The following PRKAR1B variants were observed in gnomAD, a reference collection of about 807,000 sequenced individuals.
PRKAR1B encodes cAMP-dependent protein kinase type I-beta regulatory subunit.
A neutral mutation model predicts 46.5 loss-of-function variants in PRKAR1B; 22 were observed. The observed-to-expected ratio is 0.47, with a 90% confidence interval of 0.34 to 0.68. The LOEUF (loss-of-function observed/expected upper bound fraction) is 0.68. Among genes scored for constraint, PRKAR1B ranks in the 30% least tolerant of loss-of-function variants. PRKAR1B has a pLI of 0.01. For synonymous variants in PRKAR1B, 259 were observed against 217.7 expected, an observed-to-expected ratio of 1.19 and a Z score of -1.67; for missense variants, 445 against 535.6, an observed-to-expected ratio of 0.83 and a Z score of 1.67.
intron 4 of PRKAR1B, among the ~76,000 whole-genome samples, chr7:673,064 A>AC (rs1562605300): frequency 3.6e-5 from 5 of 139,194 alleles, no homozygotes; most frequent in African/African-American, 8.1e-5. Flanking sequence ...AAAAAAAAAA[A>AC]AAAAAAAAAA....
intron 4 of PRKAR1B, among the ~76,000 whole-genome samples, chr7:661,258 C>T (rs1173957838): frequency 1.1e-3 from 82 of 71,880 alleles, no homozygotes; most frequent in Admixed American, 1.5e-3. Context: ...TACTCTCCCC[C>T]CCATGGCACA....
intron 4 of PRKAR1B, among the ~76,000 whole-genome samples, chr7:618,113 G>A (rs1782932564): frequency 6.6e-6 from 1 of 152,068 alleles, no homozygotes; most frequent in African/African-American, 2.4e-5. Context: ...TGGGAGAGGT[G>A]GAGGCAGGGC....
At position 677,210 on chromosome 7, in the gene PRKAR1B, A is replaced by G. The variant is rs1399493671; in HGVS notation, c.440+19T>C. On this transcript the variant is annotated intron_variant, in intron 4 of 10. Coordinates refer to ENST00000537384, the MANE Select transcript of PRKAR1B (RefSeq NM_001164760.2). Reference sequence around the variant, plus strand: ...AGGAGGGCGGCGGTGATGCCGGGGCAGGGGACGAGTCTGCCTACCTCCTCT... The same window carrying G: ...AGGAGGGCGGCGGTGATGCCGGGGCGGGGGACGAGTCTGCCTACCTCCTCT... 12 of 1,613,072 alleles carry G rather than the reference A, an allele frequency of 7.4e-6. No homozygotes were observed. The highest frequency in any genetic ancestry group is 1.0e-5 in the Non-Finnish European group (12 of 1,179,164).
intron 7 of PRKAR1B, among the ~76,000 whole-genome samples, chr7:591,773 G>A (rs537772902): frequency 3.3e-5 from 5 of 152,166 alleles, no homozygotes; most frequent in Non-Finnish European, 7.4e-5. Context: ...GAAATGACTG[G>A]TGATGCCTGA....
chr7:651,450 T>G (rs891342655), intron 4 of PRKAR1B, among the ~76,000 whole-genome samples: 1 of 152,222 alleles, frequency 6.6e-6, no homozygotes, highest in Admixed American at 6.5e-5. Flanking sequence ...CCTGTGTTAT[T>G]TATCACACAG....
Position 691,779 on chromosome 7 carries a change from G to C in PRKAR1B, c.178-11053C>G, listed in dbSNP as rs138443990. 4.2e-5 allele frequency: 50 copies of C among 1,194,456 alleles called. No individual in the cohort carries two copies. The African/African-American group carries it at 7.3e-4, about 17-fold the overall frequency. 74.0% of individuals were successfully genotyped at this position (1,194,456 alleles called of 1,614,324 possible). On this transcript the variant is annotated intron_variant, in intron 2 of 10. Transcript: ENST00000537384. Reference sequence around the variant, plus strand: ...GGACCACAGGGCTCTACAAACACCGGCAATCACCTCCTGCGGAGGACGGCG... The same window carrying C: ...GGACCACAGGGCTCTACAAACACCGCCAATCACCTCCTGCGGAGGACGGCG...
At chr7:590,028 G>A (rs989518332) in intron 7 of PRKAR1B, among the ~76,000 whole-genome samples, 1 of 152,236 alleles carries the variant, frequency 6.6e-6, no homozygotes, top group Non-Finnish European at 1.5e-5. Flanking sequence ...TGCAGGGAGA[G>A]GGGGCTCAAC....
At chr7:627,258 G>T (rs561061343) in intron 4 of PRKAR1B, among the ~76,000 whole-genome samples, 1 of 152,184 alleles carries the variant, frequency 6.6e-6, no homozygotes, top group Admixed American at 6.5e-5. Flanking sequence ...TCAAAGTGCT[G>T]GGATTCCAGG....
chr7:616,600 A>G (rs1434647257), intron 4 of PRKAR1B, among the ~76,000 whole-genome samples: 1 of 152,204 alleles, frequency 6.6e-6, no homozygotes, highest in Non-Finnish European at 1.5e-5. Context: ...GCCATCGCAC[A>G]GCGGCTCCTC....
At chr7:690,865 C>T (rs775813572) in intron 2 of PRKAR1B, among the ~76,000 whole-genome samples, 7 of 152,246 alleles carry the variant, frequency 4.6e-5, no homozygotes, top group Admixed American at 2.0e-4. Context: ...CAAGGCTGAC[C>T]GGTCTCCACT....
At chr7:663,969 C>T (rs140857791) in intron 4 of PRKAR1B, among the ~76,000 whole-genome samples, 8 of 152,216 alleles carry the variant, frequency 5.3e-5, no homozygotes, top group Non-Finnish European at 1.0e-4. Context: ...GCAAGCCCCC[C>T]GCTGTCTCTG....
intron 4 of PRKAR1B, among the ~76,000 whole-genome samples, chr7:647,876 T>C (rs530233637): frequency 6.6e-6 from 1 of 151,346 alleles, no homozygotes; most frequent in South Asian, 2.1e-4. Flanking sequence ...AATGCTTCAT[T>C]ATGGCCGGGC....
At chr7:720,241 A>G (rs1426146504) in intron 1 of PRKAR1B, among the ~76,000 whole-genome samples, 1 of 151,922 alleles carries the variant, frequency 6.6e-6, no homozygotes, top group Non-Finnish European at 1.5e-5. Flanking sequence ...CATTTTTAGT[A>G]AAGACAGGAT....
At chr7:683,773 T>G (rs1054339361) in intron 2 of PRKAR1B, among the ~76,000 whole-genome samples, 6 of 151,884 alleles carry the variant, frequency 4.0e-5, no homozygotes, top group African/African-American at 1.5e-4. Flanking sequence ...CGGCACCCAC[T>G]CCCCACGGAA....
At chr7:588,681 ATGATGG>A (rs1562541936) in intron 7 of PRKAR1B, among the ~76,000 whole-genome samples, 8 of 20,178 alleles carry the variant, frequency 4.0e-4, no homozygotes, top group African/African-American at 1.1e-3. Flanking sequence ...GGTGATGACG[ATGATGG>A]TGATGGTGGT....
intron 4 of PRKAR1B, among the ~76,000 whole-genome samples, chr7:659,406 C>G (rs1039367383): frequency 2.0e-5 from 3 of 152,154 alleles, no homozygotes; most frequent in African/African-American, 7.2e-5. Flanking sequence ...CTTCCAACTG[C>G]CACATATGAT....
At chr7:705,899 G>A (rs1009901176) in intron 2 of PRKAR1B, among the ~76,000 whole-genome samples, 8 of 151,546 alleles carry the variant, frequency 5.3e-5, no homozygotes, top group Non-Finnish European at 7.4e-5. Context: ...GGTGGCAGGC[G>A]CCTGTAATCC....
At chr7:636,448 G>GTCCTCCACCGGCCGCGCCCACACA (rs1562579485) in intron 4 of PRKAR1B, among the ~76,000 whole-genome samples, 6 of 149,616 alleles carry the variant, frequency 4.0e-5, no homozygotes, top group African/African-American at 1.3e-4. Flanking sequence ...GCGCCCTCAC[G>GTCCTCCACCGGCCGCGCCCACACA]TCCTCCACCG....
At chr7:629,436 G>A (rs1366953741) in intron 4 of PRKAR1B, among the ~76,000 whole-genome samples, 3 of 131,182 alleles carry the variant, frequency 2.3e-5, no homozygotes, top group East Asian at 4.9e-4. Context: ...CTGCAGGAGC[G>A]GGGCCACGGC....
Sources: allele counts gnomAD v4.1 joint callset (sites outside exome capture counted in the v4.1 genomes callset), GRCh38; gene constraint gnomAD v4.1.1; transcripts MANE v1.5; gene names NCBI Gene and HGNC (gene_info 2026-07-23, HGNC 2026-07-21).